ANKS1B: variants seen among roughly 807,000 people sequenced by gnomAD.
ANKS1B encodes the protein ankyrin repeat and sterile alpha motif domain containing 1B, also known as ankyrin repeat and sterile alpha motif domain-containing protein 1B.
Under a neutral mutation model 148.3 loss-of-function variants are expected in ANKS1B, and 36 were observed. That is an observed-to-expected ratio of 0.24 (90% CI 0.19 to 0.32). ANKS1B has a LOEUF of 0.32. Among genes scored for constraint, ANKS1B ranks in the 10% least tolerant of loss-of-function variants. The pLI is 1.00. For missense variants in ANKS1B, 1,157 were observed against 1,542.6 expected (o/e 0.75, Z 4.19); for synonymous variants, 542 against 560.8 (o/e 0.97, Z 0.47).
At chr12:99,805,839 C>T (rs190041903) in intron 4 of ANKS1B, among the ~76,000 whole-genome samples, 21 of 151,794 alleles carry the variant, frequency 1.4e-4, no homozygotes, top group East Asian at 7.8e-4. Context: ...CAGTACATTA[C>T]GGTGGAAAGA....
intron 9 of ANKS1B, among the ~76,000 whole-genome samples, chr12:99,529,814 C>T (rs2096969034): frequency 6.7e-6 from 1 of 150,142 alleles, no homozygotes; most frequent in African/African-American, 2.5e-5. Context: ...TCCAAACTCC[C>T]ATCTAATTTA....
chr12:99,505,881 C>T (rs1195926786), intron 9 of ANKS1B, among the ~76,000 whole-genome samples: 1 of 152,028 alleles, frequency 6.6e-6, no homozygotes, highest in Non-Finnish European at 1.5e-5. Context: ...TACCAAACAG[C>T]ATAGCTTAGC....
intron 9 of ANKS1B, among the ~76,000 whole-genome samples, chr12:99,616,843 A>C (rs190760077): frequency 6.6e-6 from 1 of 152,292 alleles, no homozygotes; most frequent in African/African-American, 2.4e-5. Flanking sequence ...CTATCATCGG[A>C]GTGAACAGGC....
chr12:99,966,331 G>GA (rs1385297269), intron 1 of ANKS1B, among the ~76,000 whole-genome samples: 3 of 151,340 alleles, frequency 2.0e-5, no homozygotes, highest in Admixed American at 6.6e-5. Flanking sequence ...ATGGTTCGGG[G>GA]AAAAAAAAGG....
At chr12:99,227,951 G>A (rs1175406779) in intron 14 of ANKS1B, among the ~76,000 whole-genome samples, 1 of 151,894 alleles carries the variant, frequency 6.6e-6, no homozygotes, top group Non-Finnish European at 1.5e-5. Flanking sequence ...GTAAAATGAT[G>A]ATCTGGCAAT....
At position 99,374,475 on chromosome 12, in the gene ANKS1B, G is replaced by T. The variant is rs529484303; in HGVS notation, c.1756+25156C>A. Among the ~76,000 whole-genome samples, 7 of 152,234 alleles carry T rather than the reference G, an allele frequency of 4.6e-5. No homozygotes were observed. In the South Asian group the frequency reaches 1.5e-3, roughly 32 times the overall value. On this transcript the variant is annotated intron_variant, in intron 12 of 26. Transcript: ENST00000683438. ...CGTGAAGGGACAGCATCCTGTCCAG[G>T]GTGCATTCCCATCTTGTACCCTGAG... is the stretch of plus-strand genomic sequence containing the variant.
chr12:99,529,168 T>C (rs1353612486), intron 9 of ANKS1B, among the ~76,000 whole-genome samples: 2 of 151,952 alleles, frequency 1.3e-5, no homozygotes, highest in African/African-American at 2.4e-5. Flanking sequence ...TAAAACTAAA[T>C]AGGAACCACC....
chr12:99,082,595 G>C (rs148253365), intron 16 of ANKS1B, among the ~76,000 whole-genome samples: 2 of 152,284 alleles, frequency 1.3e-5, no homozygotes, highest in Non-Finnish European at 2.9e-5. Context: ...CAGAGGTTAA[G>C]CATCTGTGAA....
intron 11 of ANKS1B, among the ~76,000 whole-genome samples, chr12:99,424,661 C>A (rs533403863): frequency 2.0e-5 from 3 of 150,358 alleles, no homozygotes; most frequent in Admixed American, 6.6e-5. Flanking sequence ...ACACACACAC[C>A]CATAAGGAAA....
intron 1 of ANKS1B, among the ~76,000 whole-genome samples, chr12:99,958,383 GT>G (rs1026366581): frequency 7.9e-5 from 12 of 151,806 alleles, no homozygotes; most frequent in Admixed American, 7.9e-4. Context: ...GATTTTTTTT[GT>G]TTTTGGGGGG....
At chr12:99,386,991 T>C (rs2093886609) in intron 12 of ANKS1B, among the ~76,000 whole-genome samples, 1 of 152,242 alleles carries the variant, frequency 6.6e-6, no homozygotes, top group South Asian at 2.1e-4. Context: ...GCACCTATTA[T>C]AAGGTCAGTC....
intron 14 of ANKS1B, among the ~76,000 whole-genome samples, chr12:99,217,857 T>C (rs1177806786): frequency 6.6e-6 from 1 of 152,182 alleles, no homozygotes; most frequent in Admixed American, 6.5e-5. Flanking sequence ...CTTATACAGA[T>C]GAAGAAACTG....
chr12:99,110,346 A>G (rs2060052617), intron 15 of ANKS1B, among the ~76,000 whole-genome samples: 1 of 152,222 alleles, frequency 6.6e-6, no homozygotes, highest in East Asian at 1.9e-4. Context: ...AAAATCAGAT[A>G]AGCCTACTGC....
intron 4 of ANKS1B, among the ~76,000 whole-genome samples, chr12:99,784,142 C>T (rs1219067560): frequency 6.6e-6 from 1 of 151,852 alleles, no homozygotes; most frequent in African/African-American, 2.4e-5. Context: ...AACCTCATAC[C>T]CTATGCTCCA....
intron 15 of ANKS1B, among the ~76,000 whole-genome samples, chr12:99,115,334 T>C (rs1295635909): frequency 1.3e-5 from 2 of 152,212 alleles, no homozygotes; most frequent in African/African-American, 2.4e-5. Flanking sequence ...ATGATGGAGC[T>C]GGAGGCCATT....
chr12:99,488,393 T>C (rs537800733), intron 10 of ANKS1B, among the ~76,000 whole-genome samples: 2 of 152,324 alleles, frequency 1.3e-5, no homozygotes, highest in South Asian at 2.1e-4. Context: ...TTTTAATTAA[T>C]AAATTGTTGC....
At chr12:99,364,293 T>A (rs1593142956) in intron 12 of ANKS1B, among the ~76,000 whole-genome samples, 1 of 152,174 alleles carries the variant, frequency 6.6e-6, no homozygotes, top group South Asian at 2.1e-4. Flanking sequence ...TTATTGTACA[T>A]GTTTATTGTA....
intron 9 of ANKS1B, among the ~76,000 whole-genome samples, chr12:99,620,358 A>G (rs2088785): frequency 0.42 from 63,416 of 152,034 alleles, 14,042 homozygotes; most frequent in Admixed American, 0.5. Context: ...GGATCACACT[A>G]GCTCTCCAGC....
chr12:99,802,903 C>G (rs1279690603), intron 4 of ANKS1B, among the ~76,000 whole-genome samples: 1 of 114,708 alleles, frequency 8.7e-6, no homozygotes. Flanking sequence ...CAGAATAAGA[C>G]CCTGCCTTTA....
Sources: allele counts gnomAD v4.1 joint callset (sites outside exome capture counted in the v4.1 genomes callset), GRCh38; gene constraint gnomAD v4.1.1; transcripts MANE v1.5; gene names NCBI Gene and HGNC (gene_info 2026-07-23, HGNC 2026-07-21).